The following LMTK2 variants were observed in gnomAD, a reference collection of about 807,000 sequenced individuals.
LMTK2 encodes lemur tail kinase 2.
Under a neutral mutation model 127.5 loss-of-function variants are expected in LMTK2, and 37 were observed. That is an observed-to-expected ratio of 0.29 (90% CI 0.22 to 0.38). The LOEUF is 0.38. LMTK2 is among the 10% of genes least tolerant of loss of function. The pLI is 1.00. For missense variants in LMTK2, 1,694 were observed against 1,920.3 expected (o/e 0.88, Z 2.20); for synonymous variants, 819 against 810.1 (o/e 1.01, Z -0.19).
rs189429035 is a variant in LMTK2 at position 98,193,747 on chromosome 7, T to C, written c.3282T>C (p.Ala1094=). The C allele has an allele frequency of 6.2e-7, 1 of 1,613,930 alleles. No homozygotes were observed. The highest frequency in any genetic ancestry group is 8.5e-7 in the Non-Finnish European group (1 of 1,180,002). Residue 1094 remains alanine, a synonymous_variant, in exon 11 of 14, where the codon GCT becomes GCC. Transcript: ENST00000297293. The surrounding 1 kb of genome is among the most constrained non-coding windows in gnomAD (Gnocchi z 4.1). ...GTEVTPETFT[A]GSQGSYRDSA... Reference sequence around the variant, plus strand: ...AAGTGACCCCTGAGACGTTCACAGCTGGCTCCCAGGGTTCATACCGAGACT... The same window carrying C: ...AAGTGACCCCTGAGACGTTCACAGCCGGCTCCCAGGGTTCATACCGAGACT...
rs1425622917 is a variant in LMTK2, at chr7:98,208,517, A to T, written c.*3025A>T. On this transcript the variant is annotated 3_prime_UTR_variant, in exon 14 of 14. Coordinates refer to ENST00000297293, the MANE Select transcript of LMTK2 (RefSeq NM_014916.4). ...CTAGATAATGTGGGGGAAGGTTAGA[A>T]TATTTTCTGGCCTTCTATGGGGTAG... 6.6e-6 allele frequency: 1 copy of T among 152,272 alleles called. No homozygotes were observed. The highest frequency in any genetic ancestry group is 2.4e-5 in the African/African-American group (1 of 41,472). The allele number at this position is 152,272 out of a possible 1,614,324, so 9.4% of individuals were successfully genotyped here.
chr7:98,142,229 G>A (rs1164046399), intron 3 of LMTK2, among the ~76,000 whole-genome samples: 2 of 152,182 alleles, frequency 1.3e-5, no homozygotes, highest in African/African-American at 4.8e-5. Context: ...TAAGTCTGTA[G>A]ATGCTAGGAC....
intron 7 of LMTK2, 127 bp from the exon 8 acceptor site, chr7:98,184,924 A>G (rs1392793947): frequency 3.2e-6 from 2 of 620,402 alleles, no homozygotes; most frequent in East Asian, 5.4e-5. Flanking sequence ...TGAGAGGTTA[A>G]TTCTTAAGCA....
intron 1 of LMTK2, among the ~76,000 whole-genome samples, chr7:98,126,070 A>G (rs1478048966): frequency 6.6e-6 from 1 of 152,226 alleles, no homozygotes; most frequent in East Asian, 1.9e-4. Flanking sequence ...CTCTGAGAAC[A>G]TAGACTCCAT....
At chr7:98,199,701 G>A (rs867878573) in intron 11 of LMTK2, among the ~76,000 whole-genome samples, 2 of 152,094 alleles carry the variant, frequency 1.3e-5, no homozygotes, top group East Asian at 3.8e-4. Flanking sequence ...CACCATGTTG[G>A]CCAGGCTGGT....
intron 7 of LMTK2, among the ~76,000 whole-genome samples, chr7:98,181,783 C>T (rs1797360126): frequency 6.7e-6 from 1 of 150,130 alleles, no homozygotes; most frequent in Non-Finnish European, 1.5e-5. Context: ...CTCAGCCTCC[C>T]CAGTAGCTGG....
intron 3 of LMTK2, among the ~76,000 whole-genome samples, chr7:98,148,370 G>A (rs1796801388): frequency 6.6e-6 from 1 of 151,908 alleles, no homozygotes; most frequent in Admixed American, 6.6e-5. Context: ...GCGCTTGCCT[G>A]TAGTCCCAGC....
intron 1 of LMTK2, among the ~76,000 whole-genome samples, chr7:98,136,680 C>T (rs1796600036): frequency 6.6e-6 from 1 of 152,216 alleles, no homozygotes. Context: ...AGGCATAGGT[C>T]ATGCGCCCTG....
Position 98,193,363 on chromosome 7 carries a change from T to C in LMTK2, c.2898T>C (p.Ser966=). 2 of 1,614,202 alleles carry C rather than the reference T, an allele frequency of 1.2e-6. No homozygotes were observed. The highest frequency in any genetic ancestry group is 1.7e-6 in the Non-Finnish European group (2 of 1,180,030). Residue 966 remains serine, a synonymous_variant, in exon 11 of 14, where the codon TCT becomes TCC. Transcript: ENST00000297293. The surrounding 1 kb of genome is among the most constrained non-coding windows in gnomAD (Gnocchi z 4.1). ...CAGCAAAAGAAGCAGGCTTGGTGTC[T>C]GCCCTCTCCTCGGACTCAACCAGTC... ...KDAAKEAGLV[S]ALSSDSTSQD...
At chr7:98,165,651 A>G (rs1797085223) in intron 6 of LMTK2, among the ~76,000 whole-genome samples, 1 of 151,886 alleles carries the variant, frequency 6.6e-6, no homozygotes, top group African/African-American at 2.4e-5. Context: ...GGAGGCCTCC[A>G]TTTTAGAATT....
At chr7:98,203,772 G>A (rs193041674) in intron 12 of LMTK2, 66 bp downstream of exon 12, 2 of 1,597,706 alleles carry the variant, frequency 1.3e-6, no homozygotes, top group African/African-American at 2.7e-5. Flanking sequence ...GGTTTTTTGA[G>A]GGTAACTTCC....
rs140899820 is a variant in LMTK2 at position 98,116,971 on chromosome 7, G to A, written c.103+9691G>A. ...GACTGGGGGTGTGGGTTTCTGGGAG[G>A]AAGACCACAGAGTTAAAGTGCCATT... On this transcript the variant is annotated intron_variant, in intron 1 of 13. Transcript: ENST00000297293. Among the ~76,000 whole-genome samples the A allele has an allele frequency of 2.0e-3, 310 of 152,328 alleles. 4 individuals are homozygous for A. Among genetic ancestry groups the A allele is most frequent in the African/African-American group, 7.2e-3 (298 of 41,574 alleles).
At chr7:98,130,369 C>G (rs931374733) in intron 1 of LMTK2, among the ~76,000 whole-genome samples, 6 of 152,206 alleles carry the variant, frequency 3.9e-5, no homozygotes, top group African/African-American at 1.4e-4. Context: ...ATAGCACACT[C>G]TGTCCCCCAG....
Position 98,186,840 on chromosome 7 carries a change from T to C in LMTK2, c.877-37T>C, listed in dbSNP as rs757539164. The C allele has an allele frequency of 1.9e-6, 3 of 1,587,944 alleles. No individual in the cohort carries two copies. The Admixed American group carries it at 5.1e-5, about 27-fold the overall frequency. On this transcript the variant is annotated intron_variant, in intron 8 of 13. Transcript: ENST00000297293. The stretch of plus-strand genomic sequence containing the variant: ...ATTCTTGAACTCACCAAAAGTATAA[T>C]TCTATTCAAAATTCTGTGTGCTTTC...
At chr7:98,123,217 T>C (rs1414700741) in intron 1 of LMTK2, among the ~76,000 whole-genome samples, 1 of 152,218 alleles carries the variant, frequency 6.6e-6, no homozygotes, top group African/African-American at 2.4e-5. Context: ...GTTTCTACTA[T>C]GCATGACAAG....
In LMTK2 at chr7:98,140,397, C is replaced by T. The variant is rs116106244; in HGVS notation, c.232-1000C>T. ...GAGCTCTCGGGCTCAAGTGATCCACCTGCCTCAGCTTCCCAAAGTGCTGGG... is the reference window on the plus strand; with the variant it reads ...GAGCTCTCGGGCTCAAGTGATCCACTTGCCTCAGCTTCCCAAAGTGCTGGG... On this transcript the variant is annotated intron_variant, in intron 2 of 13. Coordinates refer to ENST00000297293, the MANE Select transcript of LMTK2 (RefSeq NM_014916.4). Among the ~76,000 whole-genome samples, 260 of 152,100 alleles carry T rather than the reference C, an allele frequency of 1.7e-3. 2 individuals are homozygous for T. Among genetic ancestry groups the T allele is most frequent in the African/African-American group, 5.9e-3 (245 of 41,480 alleles).
At chr7:98,203,834 AGCCGGGCC>A in intron 12 of LMTK2, 102 bp from the exon 13 acceptor site, 2 of 1,574,862 alleles carry the variant, frequency 1.3e-6, no homozygotes, top group East Asian at 4.5e-5. Context: ...GCCATCTGCC[AGCCGGGCC>A]GGGCTGTGTC....
rs1797860948 is a variant in LMTK2 at position 98,209,574 on chromosome 7, ATTGC to A, written c.*4086_*4089del. The A allele has an allele frequency of 1.3e-5, 2 of 152,236 alleles. No homozygotes were observed. The highest frequency in any genetic ancestry group is 1.5e-5 in the Non-Finnish European group (1 of 68,028). The allele number at this position is 152,236 out of a possible 1,614,324, so 9.4% of individuals were successfully genotyped here. A position where few individuals can be genotyped will look rare whatever the true frequency, so the allele number is the denominator to read the frequency against. ...ATTGATGCATAGTGTGATTCAATAA[ATTGC>A]TTGTAATTTAAAAACTATTTAATAT... On this transcript the variant is annotated 3_prime_UTR_variant, in exon 14 of 14. Coordinates refer to ENST00000297293, the MANE Select transcript of LMTK2 (RefSeq NM_014916.4).
At chr7:98,145,953 G>A (rs988914943) in intron 3 of LMTK2, among the ~76,000 whole-genome samples, 2 of 152,128 alleles carry the variant, frequency 1.3e-5, no homozygotes, top group Admixed American at 1.3e-4. Flanking sequence ...TTTAGCTCTT[G>A]CTCCTTGATC....
Sources: allele counts gnomAD v4.1 joint callset (sites outside exome capture counted in the v4.1 genomes callset), GRCh38; gene constraint gnomAD v4.1.1; non-coding constraint Gnocchi (gnomAD v3.1); transcripts MANE v1.5; gene names NCBI Gene and HGNC (gene_info 2026-07-23, HGNC 2026-07-21).